The following CEP128 variants were observed in gnomAD, a reference collection of about 807,000 sequenced individuals.
CEP128 encodes the protein centrosomal protein 128kDa.
CEP128 carries 132 observed loss-of-function variants against 156.7 expected under a neutral mutation model. The ratio of observed to expected loss-of-function variants is 0.84; its 90% confidence interval spans 0.73 to 0.97. CEP128 has a LOEUF of 0.97. Ranked by LOEUF, CEP128 falls within the 50% of genes least tolerant of loss-of-function variation. The pLI, the probability that CEP128 is intolerant of heterozygous loss-of-function variation, is 0.00. For missense variants in CEP128, 1,252 were observed against 1,281.9 expected (o/e 0.98, Z 0.36); for synonymous variants, 469 against 448.9 (o/e 1.04, Z -0.57).
Position 80,597,950 on chromosome 14 carries a change from CA to C in CEP128, c.2807-17528del, listed in dbSNP as rs34001813. ...GAACTAGAAGGGAATTCCTCAGCTA[CA>C]AAAAAAAAAAAAAAAAAAACAAAAC... On this transcript the variant is annotated intron_variant, in intron 19 of 24. Coordinates refer to ENST00000555265, the MANE Select transcript of CEP128 (RefSeq NM_152446.5). 8.0e-3 allele frequency among the ~76,000 whole-genome samples: 641 copies of C among 80,126 alleles called. 2 individuals carry two copies. The highest frequency in any genetic ancestry group is 0.048 in the Middle Eastern group (4 of 84). 52.6% of individuals were successfully genotyped at this position (80,126 alleles called of 152,430 possible).
At chr14:80,666,227 G>C (rs1420205705) in intron 19 of CEP128, among the ~76,000 whole-genome samples, 1 of 152,174 alleles carries the variant, frequency 6.6e-6, no homozygotes, top group African/African-American at 2.4e-5. Flanking sequence ...GACAAGCATA[G>C]ATTAGATATC....
At chr14:80,791,508 TTCAA>T (rs1901703499) in intron 14 of CEP128, among the ~76,000 whole-genome samples, 1 of 152,178 alleles carries the variant, frequency 6.6e-6, no homozygotes, top group Admixed American at 6.6e-5. Context: ...AGATGAGATT[TTCAA>T]TCAATCAATT....
intron 2 of CEP128, chr14:80,955,649 G>A: frequency 6.2e-7 from 1 of 1,612,984 alleles, no homozygotes; most frequent in Non-Finnish European, 8.5e-7. Flanking sequence ...CGATTTCGGA[G>A]GATGGAGAAA....
intron 4 of CEP128, among the ~76,000 whole-genome samples, chr14:80,907,286 G>A (rs1466879087): frequency 6.6e-6 from 1 of 151,950 alleles, no homozygotes; most frequent in Non-Finnish European, 1.5e-5. Flanking sequence ...AAAAAAAGAG[G>A]GGTTTCCACA....
chr14:80,581,543 G>A (rs988101338), intron 19 of CEP128, among the ~76,000 whole-genome samples: 5 of 152,112 alleles, frequency 3.3e-5, no homozygotes, highest in African/African-American at 4.8e-5. Context: ...CTTTGAGGCC[G>A]CACAGCTAAG....
intron 2 of CEP128, among the ~76,000 whole-genome samples, chr14:80,934,828 AT>A (rs146822641): frequency 0.16 from 23,955 of 152,036 alleles, 2,183 homozygotes; most frequent in Admixed American, 0.22. Flanking sequence ...ATTTGTTTTA[AT>A]TTTTTTTCTG....
chr14:80,528,039 C>A (rs1253267463), intron 22 of CEP128, among the ~76,000 whole-genome samples: 3 of 151,986 alleles, frequency 2.0e-5, no homozygotes, highest in Non-Finnish European at 4.4e-5. Context: ...TTTAGTGTCC[C>A]TCAAAGTCCC....
chr14:80,806,454 C>G (rs1246392331), intron 13 of CEP128, among the ~76,000 whole-genome samples: 1 of 152,146 alleles, frequency 6.6e-6, no homozygotes, highest in Non-Finnish European at 1.5e-5. Flanking sequence ...ATCTAGGCCT[C>G]AGTAATGCAC....
intron 13 of CEP128, among the ~76,000 whole-genome samples, chr14:80,814,202 G>A (rs199983065): frequency 1.3e-5 from 2 of 152,066 alleles, no homozygotes; most frequent in East Asian, 3.9e-4. Flanking sequence ...TAAAATATGT[G>A]AATTGATGTA....
At chr14:80,551,627 C>T (rs1890211862) in intron 21 of CEP128, among the ~76,000 whole-genome samples, 1 of 152,182 alleles carries the variant, frequency 6.6e-6, no homozygotes, top group Admixed American at 6.5e-5. Context: ...TAGAGTTTGT[C>T]ACCTGGATGA....
At chr14:80,821,634 C>T (rs945331612) in intron 13 of CEP128, among the ~76,000 whole-genome samples, 2 of 150,012 alleles carry the variant, frequency 1.3e-5, no homozygotes, top group African/African-American at 4.9e-5. Flanking sequence ...CACACACACA[C>T]ACACACACAT....
chr14:80,710,439 A>G (rs960143661), intron 19 of CEP128, among the ~76,000 whole-genome samples: 1 of 152,160 alleles, frequency 6.6e-6, no homozygotes, highest in African/African-American at 2.4e-5. Context: ...CTCACCACCT[A>G]TGAAAATAAT....
chr14:80,613,415 A>G (rs1012497756), intron 19 of CEP128, among the ~76,000 whole-genome samples: 40 of 131,612 alleles, frequency 3.0e-4, no homozygotes, highest in African/African-American at 1.1e-3. Flanking sequence ...CCATTCTCCC[A>G]CCTCAGCCTC....
At position 80,819,239 on chromosome 14, in the gene CEP128, CT is replaced by C. The variant is rs1187431254; in HGVS notation, c.1209+11903del. On this transcript the variant is annotated intron_variant, in intron 13 of 24. Coordinates refer to ENST00000555265, the MANE Select transcript of CEP128 (RefSeq NM_152446.5). The stretch of plus-strand genomic sequence containing the variant: ...AGCAAGCCAGCTCTCTGGCATCTTC[CT>C]TTTTTTTTTTTTTTTTTTTTTTTTG... Among the ~76,000 whole-genome samples the C allele has an allele frequency of 4.2e-3, 349 of 82,750 alleles. 1 individual carries two copies. Among genetic ancestry groups the C allele is most frequent in the African/African-American group, 0.014 (249 of 17,800 alleles). The allele number at this position is 82,750 out of a possible 152,430, so 54.3% of individuals were successfully genotyped here. A position where few individuals can be genotyped will look rare whatever the true frequency, so the allele number is the denominator to read the frequency against.
At position 80,741,358 on chromosome 14, in the gene CEP128, C is replaced by G. The variant is rs1444598525; in HGVS notation, c.2806+1717G>C. Among the ~76,000 whole-genome samples the G allele has an allele frequency of 2.6e-5, 4 of 152,136 alleles. No individual in the cohort carries two copies. The South Asian group carries it at 6.2e-4, about 24-fold the overall frequency. ...ATCCTCCCAGCTGAAGTTTGCAGCT[C>G]TTTACTCTTGTCTTTGTTACCCCTT... On this transcript the variant is annotated intron_variant, in intron 19 of 24. Coordinates refer to ENST00000555265, the MANE Select transcript of CEP128 (RefSeq NM_152446.5).
chr14:80,624,953 T>A (rs1893646545), intron 19 of CEP128, among the ~76,000 whole-genome samples: 1 of 152,224 alleles, frequency 6.6e-6, no homozygotes, highest in African/African-American at 2.4e-5. Context: ...CTGCTTTTGT[T>A]GTCTATAGTT....
At chr14:80,626,545 A>G (rs1288456458) in intron 19 of CEP128, among the ~76,000 whole-genome samples, 1 of 151,348 alleles carries the variant, frequency 6.6e-6, no homozygotes, top group Admixed American at 6.6e-5. Flanking sequence ...CAATGTAGTG[A>G]CAGAAGCAGA....
intron 18 of CEP128, among the ~76,000 whole-genome samples, chr14:80,743,905 T>C (rs1898963989): frequency 6.6e-6 from 1 of 150,742 alleles, no homozygotes; most frequent in African/African-American, 2.4e-5. Flanking sequence ...ATAATCTCAC[T>C]CTGTCGCCCG....
At chr14:80,642,787 G>T (rs1442527529) in intron 19 of CEP128, among the ~76,000 whole-genome samples, 1 of 149,180 alleles carries the variant, frequency 6.7e-6, no homozygotes, top group African/African-American at 2.5e-5. Flanking sequence ...ACAGAGTCTT[G>T]CTCTGTCACC....
Sources: gnomAD v4.1 joint callset for allele counts (sites outside exome capture counted in the v4.1 genomes callset) on GRCh38, gnomAD v4.1.1 for gene constraint, MANE v1.5 for transcripts, NCBI Gene and HGNC (gene_info 2026-07-23, HGNC 2026-07-21) for gene names.